Variants in PCBP2 observed in about 807,000 individuals in gnomAD.
The protein encoded by PCBP2 is poly(rC)-binding protein 2.
In PCBP2, 4 loss-of-function variants were observed where a neutral mutation model predicts 50.1. The ratio of observed to expected loss-of-function variants is 0.08; its 90% CI spans 0.04 to 0.18. The LOEUF is 0.18. Ranked by LOEUF, PCBP2 falls within the 10% of genes least tolerant of loss-of-function variation. The pLI is 1.00. For synonymous variants in PCBP2, 179 were observed against 168.0 expected, an observed-to-expected ratio of 1.07 and a Z score of -0.51; for missense variants, 161 against 474.3, an observed-to-expected ratio of 0.34 and a Z score of 6.14.
At chr12:53,456,966 G>A (rs1467069342) in intron 5 of PCBP2, among the ~76,000 whole-genome samples, 1 of 152,174 alleles carries the variant, frequency 6.6e-6, no homozygotes, top group African/African-American at 2.4e-5. Flanking sequence ...GATTCTGGAA[G>A]TCCAGAACTC....
chr12:53,459,818 A>C (rs762199228), intron 6 of PCBP2: 5 of 448,648 alleles, frequency 1.1e-5, no homozygotes, highest in Non-Finnish European at 4.5e-6. Flanking sequence ...GCAGTGGCGC[A>C]GTCATGGCTC....
At position 53,467,852 on chromosome 12, in the gene PCBP2, T is replaced by TA. The variant is rs138035823; in HGVS notation, c.826+22dup. 0.018 allele frequency: 24,220 copies of TA among 1,320,662 alleles called. 1 individual carries two copies. Among genetic ancestry groups the TA allele is most frequent in the Non-Finnish European group, 0.021 (20,185 of 952,826 alleles). 81.8% of individuals were successfully genotyped at this position (1,320,662 alleles called of 1,614,324 possible). A position where few individuals can be genotyped will look rare whatever the true frequency, so the allele number is the denominator to read the frequency against. Reference sequence around the variant, plus strand: ...GGTGAAAGGCTATTGGGGTAATGATTAAAAAAAAAAAAATCTGTAGTATTC... The same window carrying TA: ...GGTGAAAGGCTATTGGGGTAATGATTAAAAAAAAAAAAAATCTGTAGTATTC... On this transcript the variant is annotated intron_variant, in intron 12 of 14. Transcript: ENST00000546463.
In PCBP2 at chr12:53,467,210, C is replaced by T. The variant is rs1941887160; in HGVS notation, c.715-11C>T. The T allele has an allele frequency of 6.2e-7, 1 of 1,610,110 alleles. No individual in the cohort carries two copies. The highest frequency in any genetic ancestry group is 8.5e-7 in the Non-Finnish European group (1 of 1,176,798). On this transcript the variant is annotated splice_polypyrimidine_tract_variant and intron_variant, in intron 10 of 14. Coordinates refer to ENST00000546463, the MANE Select transcript of PCBP2 (RefSeq NM_031989.5). ...ATCTTCTAATGCCAACCTCCTGTTT[C>T]CTCCTTGCAGTTGACCAAGCTGCAC...
chr12:53,458,370 A>G (rs886210535), intron 5 of PCBP2, among the ~76,000 whole-genome samples: 2 of 150,172 alleles, frequency 1.3e-5, no homozygotes, highest in Admixed American at 6.6e-5. Context: ...CAGTGGTGCA[A>G]TCTCAGCTCA....
intron 1 of PCBP2, among the ~76,000 whole-genome samples, chr12:53,453,545 G>A (rs1458831069): frequency 6.6e-6 from 1 of 152,198 alleles, no homozygotes; most frequent in East Asian, 1.9e-4. Flanking sequence ...AGACACTTAA[G>A]CACCTAAGAT....
At chr12:53,467,642 T>A (rs917842297) in intron 11 of PCBP2, 163 bp from the exon 12 acceptor site, 1 of 677,276 alleles carries the variant, frequency 1.5e-6, no homozygotes, top group East Asian at 2.5e-5. Flanking sequence ...ATTCACAGGC[T>A]TGGGTAGAGA....
intron 9 of PCBP2, among the ~76,000 whole-genome samples, chr12:53,465,552 G>A (rs1230722715): frequency 1.3e-5 from 2 of 152,168 alleles, no homozygotes; most frequent in Non-Finnish European, 2.9e-5. Flanking sequence ...TAGAAGGGTT[G>A]GGGTGGTGAG....
At chr12:53,459,150 TG>T in intron 5 of PCBP2, 121 bp from the exon 6 acceptor site, 1 of 700,748 alleles carries the variant, frequency 1.4e-6, no homozygotes. Flanking sequence ...CTTTTGTCTA[TG>T]GTGGATTATG....
chr12:53,452,856 A>T (rs1302446324), intron 1 of PCBP2: 3 of 151,710 alleles, frequency 2.0e-5, no homozygotes, highest in Non-Finnish European at 4.4e-5. Context: ...AGTCGAGGGA[A>T]GGGGGGGCTT....
In PCBP2 at chr12:53,461,092, T is replaced by G; in HGVS notation, c.453T>G (p.Ile151Met). 1.2e-6 allele frequency: 2 copies of G among 1,614,080 alleles called. No individual in the cohort carries two copies. The highest frequency in any genetic ancestry group is 1.3e-5 in the African/African-American group (1 of 75,056). The stretch of plus-strand genomic sequence containing the variant: ...AGCGGGCCATCACTATTGCTGGCAT[T>G]CCACAATCCATCATTGAGTGTGTCA... ...STERAITIAG[I>M]PQSIIECVKQ... is the part of the protein sequence containing the mutation. Residue 151 changes from isoleucine to methionine, a missense_variant, in exon 7 of 15, where the codon ATT (isoleucine) becomes ATG (methionine). Physicochemically the swap from Ile to Met is conservative, Grantham distance 10 (BLOSUM62 1). Around this residue, in one of 7 missense-constraint regions of PCBP2, gnomAD observed 20 missense variants for 43.1 expected, o/e 0.46. Transcript: ENST00000546463.
chr12:53,470,901 T>C (rs1256404062), intron 13 of PCBP2, among the ~76,000 whole-genome samples: 1 of 152,152 alleles, frequency 6.6e-6, no homozygotes, highest in African/African-American at 2.4e-5. Context: ...TTTCTACCTT[T>C]ATCTATTTCT....
intron 13 of PCBP2, among the ~76,000 whole-genome samples, chr12:53,469,623 G>A (rs116386751): frequency 0.011 from 1,693 of 152,214 alleles, 18 homozygotes; most frequent in African/African-American, 0.039. Context: ...CTATTTGGGA[G>A]GCTAAGGTAG....
At chr12:53,453,918 T>G (rs182926200) in intron 1 of PCBP2, among the ~76,000 whole-genome samples, 15 of 152,342 alleles carry the variant, frequency 9.8e-5, no homozygotes, top group Admixed American at 7.8e-4. Flanking sequence ...ACAAAAAATT[T>G]TAGCAATGCC....
At position 53,455,595 on chromosome 12, in the gene PCBP2, A is replaced by G. The variant is rs192255473; in HGVS notation, c.126+102A>G. On this transcript the variant is annotated intron_variant, in intron 4 of 14. Coordinates refer to ENST00000546463, the MANE Select transcript of PCBP2 (RefSeq NM_031989.5). ...AATTAGGAAGGTCTCAATAAGGGAA[A>G]TATGTATTTTTTTTCGGCTTGGTTA... The G allele has an allele frequency of 2.4e-6, 3 of 1,227,664 alleles. No homozygotes were observed. In the East Asian group the frequency reaches 7.2e-5, roughly 29 times the overall value. The allele number at this position is 1,227,664 out of a possible 1,614,324, so 76.0% of individuals were successfully genotyped here. A position where few individuals can be genotyped will look rare whatever the true frequency, so the allele number is the denominator to read the frequency against.
At chr12:53,471,167 C>T (rs1942205975) in intron 13 of PCBP2, among the ~76,000 whole-genome samples, 2 of 151,864 alleles carry the variant, frequency 1.3e-5, no homozygotes, top group African/African-American at 2.4e-5. Flanking sequence ...TGGCGGTATA[C>T]ACCTGTAATC....
chr12:53,455,201 A>G (rs1940905503), intron 2 of PCBP2, 146 bp from the exon 3 acceptor site: 3 of 735,388 alleles, frequency 4.1e-6, no homozygotes, highest in Non-Finnish European at 6.7e-6. Context: ...ATTAGCATAG[A>G]TAGCAGTCTG....
At chr12:53,466,609 T>C (rs558899389) in intron 10 of PCBP2, among the ~76,000 whole-genome samples, 1 of 152,312 alleles carries the variant, frequency 6.6e-6, no homozygotes, top group South Asian at 2.1e-4. Flanking sequence ...GAAGTTGAGT[T>C]TCGGTCTTGG....
intron 10 of PCBP2, 44 bp from the exon 11 acceptor site, chr12:53,467,177 T>C (rs1233837892): frequency 4.0e-6 from 6 of 1,487,868 alleles, no homozygotes; most frequent in Non-Finnish European, 5.6e-6. Flanking sequence ...GAGCCCTGGC[T>C]CTGTTAAATC....
At chr12:53,474,878 C>A in intron 14 of PCBP2, 1 of 427,224 alleles carries the variant, frequency 2.3e-6, no homozygotes, top group Non-Finnish European at 4.8e-6. Context: ...GTTTAGAAAA[C>A]GCTAAACCCT....
Sources: gnomAD v4.1 joint callset for allele counts (sites outside exome capture counted in the v4.1 genomes callset) on GRCh38, gnomAD v4.1.1 for gene constraint, gnomAD v4.1.1 regional missense constraint, MANE v1.5 for transcripts, NCBI Gene and HGNC (gene_info 2026-07-23, HGNC 2026-07-21) for gene names.